WFS1: variants seen among roughly 807,000 people sequenced by gnomAD.
The protein encoded by WFS1 is wolframin ER transmembrane glycoprotein, also known as wolframin.
A neutral mutation model predicts 68.5 loss-of-function variants in WFS1; 90 were observed. The observed-to-expected ratio is 1.31, with a 90% CI of 1.11 to 1.56. WFS1 has a LOEUF of 1.56. Among genes scored for constraint, WFS1 ranks in the 40% most tolerant of loss-of-function variants. The pLI is 0.00. For synonymous variants in WFS1, 860 were observed against 540.7 expected (o/e 1.59, Z -8.19); for missense variants, 1,767 against 1,232.6 (o/e 1.43, Z -6.49).
chr4:6,300,813 T>G lies in WFS1; in HGVS notation c.1018T>G (p.Phe340Val). 1 of 1,613,970 alleles carries G rather than the reference T, an allele frequency of 6.2e-7. No homozygotes were observed. The highest frequency in any genetic ancestry group is 8.5e-7 in the Non-Finnish European group (1 of 1,179,890). Reference sequence around the variant, plus strand: ...CATCGTCAGCAACCTCACCATCGACTTCTTCGCCTTCTTCATCCCGCTGGT... The same window carrying G: ...CATCGTCAGCAACCTCACCATCGACGTCTTCGCCTTCTTCATCCCGCTGGT... Reference protein sequence around the residue: ...FFIVSNLTIDFFAFFIPLVIF... With the variant: ...FFIVSNLTIDVFAFFIPLVIF... The change falls in exon 8 of 8, where the codon TTC becomes GTC. Residue 340 changes from phenylalanine (F) to valine (V), a missense_variant. Coordinates refer to ENST00000226760, the MANE Select transcript of WFS1 (RefSeq NM_006005.3).
rs766164626 is a variant in WFS1, at chr4:6,301,955, C to G, written c.2160C>G (p.Ile720Met). The G allele has an allele frequency of 1.2e-6, 2 of 1,612,862 alleles. No homozygotes were observed. Among genetic ancestry groups the G allele is most frequent in the East Asian group, 2.2e-5 (1 of 44,874 alleles). ...TCGACAACAGCGCCGAGTCTGCCAT[C>G]AACATGCTCCCGTTCTTCATCGGCG... ...TDIDNSAESA[I>M]NMLPFFIGDW... Residue 720 changes from isoleucine (I) to methionine (M), a missense_variant, in exon 8 of 8, where the codon ATC (isoleucine) becomes ATG (methionine). Ile to Met is a conservative substitution (Grantham distance 10, BLOSUM62 1). Transcript: ENST00000226760.
intron 6 of WFS1, among the ~76,000 whole-genome samples, chr4:6,292,744 C>T (rs1214766947): frequency 6.6e-6 from 1 of 152,178 alleles, no homozygotes; most frequent in Non-Finnish European, 1.5e-5. Flanking sequence ...ACAGACTCTT[C>T]TTGTGACATG....
intron 7 of WFS1, among the ~76,000 whole-genome samples, chr4:6,297,922 C>T (rs563642853): frequency 6.6e-6 from 1 of 152,090 alleles, no homozygotes; most frequent in East Asian, 1.9e-4. Context: ...AGGTGGGGGA[C>T]CAGCCCCTCC....
chr4:6,301,453 G>C lies in WFS1; in HGVS notation c.1658G>C (p.Gly553Ala). ...GTGGTCATCCTGCTGGAGTCCACCGGCCTGGGGCTGCTCCGCGCCTCCATC... is the reference window on the plus strand; with the variant it reads ...GTGGTCATCCTGCTGGAGTCCACCGCCCTGGGGCTGCTCCGCGCCTCCATC... Reference protein sequence around the residue: ...LSVVILLESTGLGLLRASIGY... With the variant: ...LSVVILLESTALGLLRASIGY... Residue 553 changes from glycine (G) to alanine (A), a missense_variant, in exon 8 of 8, where the codon GGC becomes GCC. Physicochemically the swap from Gly to Ala is moderately conservative, Grantham distance 60 (BLOSUM62 0). Transcript: ENST00000226760. 6.2e-7 allele frequency: 1 copy of C among 1,612,472 alleles called. No homozygotes were observed. Among genetic ancestry groups the C allele is most frequent in the Non-Finnish European group, 8.5e-7 (1 of 1,180,036 alleles).
chr4:6,299,225 T>G (rs1440010305), intron 7 of WFS1, among the ~76,000 whole-genome samples: 4 of 152,188 alleles, frequency 2.6e-5, no homozygotes, highest in African/African-American at 9.7e-5. Context: ...TGGCCCTGGG[T>G]GGCAGCGCTG....
chr4:6,285,111 G>C (rs761178943), intron 2 of WFS1, among the ~76,000 whole-genome samples: 1 of 151,814 alleles, frequency 6.6e-6, no homozygotes, highest in Non-Finnish European at 1.5e-5. Flanking sequence ...CAGCGTCCTT[G>C]AGGACCCCGG....
chr4:6,301,466 C>G lies in WFS1; in HGVS notation c.1671C>G (p.Leu557=), dbSNP rs769507863. Reference sequence around the variant, plus strand: ...TGGAGTCCACCGGCCTGGGGCTGCTCCGCGCCTCCATCGGCTACTTCCTCT... The same window carrying G: ...TGGAGTCCACCGGCCTGGGGCTGCTGCGCGCCTCCATCGGCTACTTCCTCT... ...ILLESTGLGL[L]RASIGYFLFL... The change falls in exon 8 of 8, where the codon CTC becomes CTG. Residue 557 remains leucine, a synonymous_variant. Coordinates refer to ENST00000226760, the MANE Select transcript of WFS1 (RefSeq NM_006005.3). The G allele has an allele frequency of 5.0e-6, 8 of 1,612,696 alleles. No individual in the cohort carries two copies. In the South Asian group the frequency reaches 5.5e-5, roughly 11 times the overall value.
chr4:6,287,158 C>T lies in WFS1; in HGVS notation c.298C>T (p.Pro100Ser), dbSNP rs941372124. The part of the protein sequence containing the change: ...EVLERAKAGD[P>S]KAQTEVGKHY... ...CCTGGAGAGGGCCAAGGCCGGGGACCCCAAGGCACAGACTGAGGTGAGGAC... is the reference window on the plus strand; with the variant it reads ...CCTGGAGAGGGCCAAGGCCGGGGACTCCAAGGCACAGACTGAGGTGAGGAC... The change falls in exon 3 of 8, where the codon CCC becomes TCC. Residue 100 changes from proline (P) to serine (S), a missense_variant. Pro to Ser is a moderately conservative substitution (Grantham distance 74, BLOSUM62 -1). Coordinates refer to ENST00000226760, the MANE Select transcript of WFS1 (RefSeq NM_006005.3). This position sits in a 1 kb window ranked among gnomAD's most constrained non-coding sequence, Gnocchi z 6.4. The T allele has an allele frequency of 2.6e-6, 4 of 1,560,052 alleles. No homozygotes were observed. The highest frequency in any genetic ancestry group is 3.5e-6 in the Non-Finnish European group (4 of 1,150,738).
At chr4:6,279,040 G>A (rs936814861) in intron 2 of WFS1, among the ~76,000 whole-genome samples, 2 of 152,124 alleles carry the variant, frequency 1.3e-5, no homozygotes, top group Non-Finnish European at 2.9e-5. Context: ...CCTGGGCGCC[G>A]CCTGACAGCC....
chr4:6,299,836 A>G (rs1419698931), intron 7 of WFS1, among the ~76,000 whole-genome samples: 31 of 75,934 alleles, frequency 4.1e-4, no homozygotes, highest in African/African-American at 5.3e-4. Context: ...GTGAATGTGT[A>G]TAGGGGTGGG....
chr4:6,273,326 G>A (rs553070533), intron 1 of WFS1, among the ~76,000 whole-genome samples: 42 of 152,244 alleles, frequency 2.8e-4, no homozygotes, highest in Non-Finnish European at 1.2e-4. Context: ...CATTGCTCAT[G>A]AGGAAAGAAT....
In WFS1 at chr4:6,295,199, C is replaced by G. The variant is rs780736241; in HGVS notation, c.861+10C>G. 6 of 1,611,138 alleles carry G rather than the reference C, an allele frequency of 3.7e-6. No homozygotes were observed. The highest frequency in any genetic ancestry group is 5.1e-6 in the Non-Finnish European group (6 of 1,180,020). On this transcript the variant is annotated intron_variant, in intron 7 of 7. Coordinates refer to ENST00000226760, the MANE Select transcript of WFS1 (RefSeq NM_006005.3). ...GCCACTGCGTCTGAAGGTGAGTGAC[C>G]AAGACCCCGGTCAGGCCGGAGCCTG...
chr4:6,279,803 C>T (rs911803722), intron 2 of WFS1, among the ~76,000 whole-genome samples: 2 of 152,244 alleles, frequency 1.3e-5, no homozygotes, highest in African/African-American at 4.8e-5. Context: ...GGAGCCCCAT[C>T]TGAGCTGCTC....
intron 7 of WFS1, among the ~76,000 whole-genome samples, chr4:6,295,413 G>A (rs1169310352): frequency 6.6e-6 from 1 of 152,188 alleles, no homozygotes; most frequent in African/African-American, 2.4e-5. Flanking sequence ...GAAACCAGGG[G>A]CGGTGTTGGG....
chr4:6,292,283 C>T (rs1730487861), intron 6 of WFS1, among the ~76,000 whole-genome samples: 2 of 152,120 alleles, frequency 1.3e-5, no homozygotes, highest in South Asian at 4.2e-4. Context: ...CATGATGTGC[C>T]AGTCCCTCTT....
chr4:6,270,498 G>A (rs1443493270), intron 1 of WFS1, among the ~76,000 whole-genome samples: 3 of 152,042 alleles, frequency 2.0e-5, no homozygotes, highest in African/African-American at 4.8e-5. Context: ...CCCCCAGGGG[G>A]ACCCGGCCCG....
intron 1 of WFS1, among the ~76,000 whole-genome samples, chr4:6,276,898 C>T (rs61398924): frequency 0.035 from 5,315 of 152,346 alleles, 108 homozygotes; most frequent in African/African-American, 0.051. Context: ...CACTGTCACC[C>T]GTCTCCGCAT....
chr4:6,288,633 T>G, intron 3 of WFS1: 1 of 369,490 alleles, frequency 2.7e-6, no homozygotes, highest in Non-Finnish European at 5.2e-6. Context: ...CCCCTGACTG[T>G]TTTGAGAGGT....
At position 6,301,229 on chromosome 4, in the gene WFS1, G is replaced by T; in HGVS notation, c.1434G>T (p.Trp478Cys). The T allele has an allele frequency of 6.2e-7, 1 of 1,611,762 alleles. No individual in the cohort carries two copies. Among genetic ancestry groups the T allele is most frequent in the Non-Finnish European group, 8.5e-7 (1 of 1,180,024 alleles). ...LSLLPSMPLNWPYLKVLGQTF... is the reference protein window; with the variant it reads ...LSLLPSMPLNCPYLKVLGQTF... The stretch of plus-strand genomic sequence containing the variant: ...TGCTGCCCTCCATGCCCTTGAATTG[G>T]CCCTACCTGAAGGTCCTTGGCCAGA... The change falls in exon 8 of 8, where the codon TGG becomes TGT. Residue 478 changes from tryptophan (W) to cysteine (C), a missense_variant. Coordinates refer to ENST00000226760, the MANE Select transcript of WFS1 (RefSeq NM_006005.3).
Sources: gnomAD v4.1 joint callset for allele counts (sites outside exome capture counted in the v4.1 genomes callset) on GRCh38, gnomAD v4.1.1 for gene constraint, Gnocchi (gnomAD v3.1) non-coding constraint, MANE v1.5 for transcripts, NCBI Gene and HGNC (gene_info 2026-07-23, HGNC 2026-07-21) for gene names.